The following CABP4 variants were observed in gnomAD, a reference collection of about 807,000 sequenced individuals.
CABP4 encodes calcium-binding protein 4.
CABP4 carries 30 observed loss-of-function variants against 30.7 expected under a neutral mutation model. The ratio of observed to expected loss-of-function variants is 0.98; its 90% CI spans 0.73 to 1.33. CABP4 has a LOEUF of 1.33. Among genes scored for constraint, CABP4 ranks in the 40% most tolerant of loss-of-function variants. The pLI is 0.00. For missense variants in CABP4, 424 were observed against 395.5 expected, an observed-to-expected ratio of 1.07 and a Z score of -0.61; for synonymous variants, 161 against 159.2, an observed-to-expected ratio of 1.01 and a Z score of -0.08.
intron 3 of CABP4, among the ~76,000 whole-genome samples, chr11:67,456,897 C>A (rs1302244132): frequency 6.6e-6 from 1 of 152,198 alleles, no homozygotes; most frequent in Non-Finnish European, 1.5e-5. Context: ...TGGGAGAGGA[C>A]CCCACCTATG....
chr11:67,461,663 A>C lies in CABP4; in HGVS notation c.*3004A>C, dbSNP rs1191723902. On this transcript the variant is annotated 3_prime_UTR_variant, in exon 6 of 6. Transcript: ENST00000325656. Reference sequence around the variant, plus strand: ...TGGTCTCTGTTGCAGCTGCTCACGCAACTCTGCTGTTGAAGTTTGTAGTGC... The same window carrying C: ...TGGTCTCTGTTGCAGCTGCTCACGCCACTCTGCTGTTGAAGTTTGTAGTGC... The C allele has an allele frequency of 1.3e-5, 2 of 152,218 alleles. No homozygotes were observed. The highest frequency in any genetic ancestry group is 2.9e-5 in the Non-Finnish European group (2 of 68,036). 9.4% of individuals were successfully genotyped at this position (152,218 alleles called of 1,614,324 possible). A position where few individuals can be genotyped will look rare whatever the true frequency, so the allele number is the denominator to read the frequency against.
chr11:67,455,177 C>T (rs776006397), upstream of CABP4, among the ~76,000 whole-genome samples: 7 of 152,208 alleles, frequency 4.6e-5, no homozygotes, highest in Admixed American at 6.5e-5. Context: ...GCAGCCACCA[C>T]GTCCTGGTGC....
At chr11:67,456,977 T>G (rs1165013545) in intron 3 of CABP4, among the ~76,000 whole-genome samples, 2 of 152,220 alleles carry the variant, frequency 1.3e-5, no homozygotes, top group Admixed American at 6.5e-5. Flanking sequence ...CAGACAAATC[T>G]CATATTCACT....
At chr11:67,456,129 G>A in intron 1 of CABP4, 59 bp from the exon 2 acceptor site, 2 of 1,612,894 alleles carry the variant, frequency 1.2e-6, no homozygotes, top group East Asian at 4.5e-5. Flanking sequence ...GGGGATGAAG[G>A]AGGAAGGATG....
Position 67,455,676 on chromosome 11 carries a change from C to T in CABP4, c.253C>T (p.Pro85Ser), listed in dbSNP as rs1240458375. 4.4e-6 allele frequency: 7 copies of T among 1,608,478 alleles called. No individual in the cohort carries two copies. Among genetic ancestry groups the T allele is most frequent in the East Asian group, 2.2e-5 (1 of 44,656 alleles). ...TGGAGAGGGGCCGGCGGGCGCACCC[C>T]CTGCATCCCCTGGGCCGGCCTCTTC... is the stretch of plus-strand genomic sequence containing the variant. ...STGEGPAGAPPASPGPASSRQ... is the reference protein window; with the variant it reads ...STGEGPAGAPSASPGPASSRQ... Residue 85 changes from proline (P) to serine (S), a missense_variant, in exon 1 of 6, where the codon CCT becomes TCT. Pro to Ser is a moderately conservative substitution (Grantham distance 74). Coordinates refer to ENST00000325656, the MANE Select transcript of CABP4 (RefSeq NM_145200.5).
chr11:67,456,783 C>T (rs1230553548), intron 3 of CABP4, among the ~76,000 whole-genome samples: 2 of 152,206 alleles, frequency 1.3e-5, no homozygotes, highest in African/African-American at 2.4e-5. Context: ...AAGTGCTGTC[C>T]GCTGATACTA....
At chr11:67,453,428 C>T (rs1241470629), upstream of CABP4, 1 of 152,222 alleles carries the variant, frequency 6.6e-6, no homozygotes, top group African/African-American at 2.4e-5. Flanking sequence ...TGGCTCACAC[C>T]TGTAATCCCA....
chr11:67,454,143 ATGG>A (rs1864672193), upstream of CABP4, among the ~76,000 whole-genome samples: 4 of 151,946 alleles, frequency 2.6e-5, no homozygotes, highest in Admixed American at 6.6e-5. Context: ...CTGCAGTGGG[ATGG>A]TGGTGGGATG....
rs1483969882 is a variant in CABP4 at position 67,455,526 on chromosome 11, C to A, written c.103C>A (p.Pro35Thr). The A allele has an allele frequency of 1.2e-6, 2 of 1,603,204 alleles. No individual in the cohort carries two copies. The highest frequency in any genetic ancestry group is 4.5e-5 in the East Asian group (2 of 44,604). The part of the protein sequence containing the change: ...VVTPKSDAEE[P>T]PLTRKRSKKE... ...GACTCCCAAGAGTGATGCAGAGGAG[C>A]CCCCGTTGACCAGGAAGAGGAGCAA... The change falls in exon 1 of 6, where the codon CCC (proline) becomes ACC (threonine). Residue 35 changes from proline (P) to threonine (T), a missense_variant. By Grantham distance (38) the Pro-to-Thr change is conservative. Coordinates refer to ENST00000325656, the MANE Select transcript of CABP4 (RefSeq NM_145200.5).
At chr11:67,456,997 G>T (rs1256867070) in intron 3 of CABP4, among the ~76,000 whole-genome samples, 5 of 152,184 alleles carry the variant, frequency 3.3e-5, no homozygotes, top group Admixed American at 3.3e-4. Flanking sequence ...TTCATTCCAG[G>T]ACTCCTGCAT....
In CABP4 at chr11:67,455,421, C is replaced by T. The variant is rs756221285; in HGVS notation, c.-3C>T. ...TGTCTCTGAGCCCTGTTATCCCTCC[C>T]CCATGACCACAGAGCAGGCAAGGGG... On this transcript the variant is annotated 5_prime_UTR_variant, in exon 1 of 6. Transcript: ENST00000325656. 2 of 1,606,928 alleles carry T rather than the reference C, an allele frequency of 1.2e-6. No individual in the cohort carries two copies. The highest frequency in any genetic ancestry group is 2.2e-5 in the East Asian group (1 of 44,812).
intron 4 of CABP4, 53 bp from the exon 5 acceptor site, chr11:67,458,318 C>T (rs975321027): frequency 3.0e-5 from 45 of 1,503,448 alleles, no homozygotes; most frequent in Admixed American, 6.4e-5. Flanking sequence ...GTGGAGCTGG[C>T]TGAGGCTGAG....
At chr11:67,453,464 TG>T (rs1440211223), upstream of CABP4, 7 of 152,186 alleles carry the variant, frequency 4.6e-5, no homozygotes, top group Middle Eastern at 3.4e-3. Flanking sequence ...CACCTGAGGT[TG>T]GGAGTTCGAG....
upstream of CABP4, among the ~76,000 whole-genome samples, chr11:67,454,015 C>G (rs1021661971): frequency 2.0e-5 from 3 of 152,154 alleles, no homozygotes; most frequent in Non-Finnish European, 4.4e-5. Context: ...ATCCTAGGAG[C>G]CCCTGGTGCC....
chr11:67,454,510 G>A (rs1864685487), upstream of CABP4, among the ~76,000 whole-genome samples: 1 of 150,706 alleles, frequency 6.6e-6, no homozygotes, highest in Admixed American at 6.5e-5. Context: ...AGGCCGATGG[G>A]TGGAAGGAGC....
rs1019275658 is a variant in CABP4 at position 67,458,447 on chromosome 11, T to G, written c.728T>G (p.Leu243Arg). The change falls in exon 5 of 6, where the codon CTG (leucine) becomes CGG (arginine). Residue 243 changes from leucine (L) to arginine (R), a missense_variant. Leu to Arg is a moderately radical substitution (Grantham distance 102). Coordinates refer to ENST00000325656, the MANE Select transcript of CABP4 (RefSeq NM_145200.5). Reference protein sequence around the residue: ...EAVPALLGEPLAGPELDEMLR... With the variant: ...EAVPALLGEPRAGPELDEMLR... ...GTACCGGCTCTGCTCGGGGAGCCGC[T>G]GGCGGGTCCTGAGCTGGACGAGATG... is the stretch of plus-strand genomic sequence containing the variant. The G allele has an allele frequency of 1.2e-6, 2 of 1,613,916 alleles. No individual in the cohort carries two copies. The highest frequency in any genetic ancestry group is 3.3e-5 in the Admixed American group (2 of 60,012).
In CABP4 at chr11:67,461,126, T is replaced by TA. The variant is rs1326350722; in HGVS notation, c.*2475dup. Among the ~76,000 whole-genome samples the TA allele has an allele frequency of 5.3e-5, 8 of 151,744 alleles. No individual in the cohort carries two copies. The highest frequency in any genetic ancestry group is 1.3e-4 in the Admixed American group (2 of 15,236). On this transcript the variant is annotated 3_prime_UTR_variant, in exon 6 of 6. Coordinates refer to ENST00000325656, the MANE Select transcript of CABP4 (RefSeq NM_145200.5). ...AGCCTAACAGCAAGACCCTGCCTCT[T>TA]AAAAAAAATAATAAAAAAATAAGCT...
At chr11:67,457,220 A>T (rs531369622) in intron 3 of CABP4, among the ~76,000 whole-genome samples, 26 of 152,256 alleles carry the variant, frequency 1.7e-4, no homozygotes, top group Middle Eastern at 3.4e-3. Context: ...CATGAACCTG[A>T]ACCCCATGGA....
chr11:67,458,195 G>T (rs1023599547), intron 4 of CABP4, among the ~76,000 whole-genome samples, 176 bp from the exon 5 acceptor site: 1 of 152,112 alleles, frequency 6.6e-6, no homozygotes, highest in African/African-American at 2.4e-5. Flanking sequence ...GGAGGCGAAG[G>T]TTGCAGTGAG....
Sources: allele counts gnomAD v4.1 joint callset (sites outside exome capture counted in the v4.1 genomes callset), GRCh38; gene constraint gnomAD v4.1.1; transcripts MANE v1.5; gene names NCBI Gene and HGNC (gene_info 2026-07-23, HGNC 2026-07-21).